The following FHIP2A variants were observed in gnomAD, a reference collection of about 807,000 sequenced individuals.
FHIP2A encodes family with sequence similarity 160 member B1.
A neutral mutation model predicts 93.5 loss-of-function variants in FHIP2A; 46 were observed. The ratio of observed to expected loss-of-function variants is 0.49; its 90% confidence interval spans 0.39 to 0.63. FHIP2A has a LOEUF of 0.63. Ranked by LOEUF, FHIP2A falls within the 20% of genes least tolerant of loss-of-function variation. The pLI is 0.00. For synonymous variants in FHIP2A, 332 were observed against 326.5 expected (o/e 1.02, Z -0.18); for missense variants, 769 against 909.7 (o/e 0.85, Z 1.99).
In FHIP2A at chr10:114,891,578, C is replaced by T. The variant is rs537001172; in HGVS notation, c.2193-7912C>T. ...GTGTGTGTGTGTGTGTGTGTGCACG[C>T]GTATGTATGTGTGTGTATATATGTG... On this transcript the variant is annotated intron_variant, in intron 16 of 16. Coordinates refer to the FHIP2A transcript ENST00000369250. Among the ~76,000 whole-genome samples, 459 of 137,228 alleles carry T rather than the reference C, an allele frequency of 3.3e-3. 2 individuals are homozygous for T. The highest frequency in any genetic ancestry group is 0.012 in the African/African-American group (416 of 33,994). The allele number at this position is 137,228 out of a possible 152,430, so 90.0% of individuals were successfully genotyped here.
intron 1 of FHIP2A, among the ~76,000 whole-genome samples, chr10:114,825,577 C>A (rs902745073): frequency 2.6e-5 from 4 of 152,172 alleles, no homozygotes; most frequent in African/African-American, 9.7e-5. Flanking sequence ...GTAACTCCTG[C>A]CTCCCTTTTT....
In FHIP2A at chr10:114,861,810, C is replaced by T. The variant is rs2083801709; in HGVS notation, c.*270C>T. ...AATCAAAGGAACTTCAGGAAATAAG[C>T]ATTTCTAATGACTGTGAAAAGCTGC... On this transcript the variant is annotated 3_prime_UTR_variant, in exon 17 of 17. Transcript: ENST00000369248. 4 of 1,096,748 alleles carry T rather than the reference C, an allele frequency of 3.6e-6. No individual in the cohort carries two copies. The highest frequency in any genetic ancestry group is 4.4e-6 in the Non-Finnish European group (4 of 900,296). The allele number at this position is 1,096,748 out of a possible 1,614,324, so 67.9% of individuals were successfully genotyped here.
Position 114,848,667 on chromosome 10 carries a change from A to G in FHIP2A, c.1733A>G (p.Asp578Gly), listed in dbSNP as rs764550856. The part of the protein sequence containing the change: ...IVNSFLCLVP[D>G]DAKSSYHVEG... ...TTAAGTTTTCTCTGTCTGGTACCGGATGACGCAAAATCCTCCTACCATGTT... is the reference window on the plus strand; with the variant it reads ...TTAAGTTTTCTCTGTCTGGTACCGGGTGACGCAAAATCCTCCTACCATGTT... The change falls in exon 13 of 17, where the codon GAT becomes GGT. Residue 578 changes from aspartate to glycine, a missense_variant. Coordinates refer to ENST00000369248, the MANE Select transcript of FHIP2A (RefSeq NM_020940.4). 2 of 1,611,938 alleles carry G rather than the reference A, an allele frequency of 1.2e-6. No individual in the cohort carries two copies. The highest frequency in any genetic ancestry group is 1.1e-5 in the South Asian group (1 of 90,992).
In FHIP2A at chr10:114,899,515, G is replaced by A. The variant is rs757422614; in HGVS notation, c.*1G>A. 1.7e-5 allele frequency: 12 copies of A among 718,506 alleles called. 1 individual carries two copies. In the South Asian group the frequency reaches 1.8e-4, roughly 11 times the overall value. The allele number at this position is 718,506 out of a possible 1,614,324, so 44.5% of individuals were successfully genotyped here. A position where few individuals can be genotyped will look rare whatever the true frequency, so the allele number is the denominator to read the frequency against. On this transcript the variant is annotated 3_prime_UTR_variant, in exon 17 of 17. Transcript: ENST00000369250. ...GCAGACGTTGCCTTCATGGTGGTAA[G>A]AGGGATTCCAGAGTCTCTTATGTCC...
In FHIP2A at chr10:114,835,583, T is replaced by C. The variant is rs1320736639; in HGVS notation, c.341T>C (p.Leu114Pro). Residue 114 changes from leucine (L) to proline (P), a missense_variant, in exon 4 of 17, where the codon CTT (leucine) becomes CCT (proline). By Grantham distance (98) the Leu-to-Pro change is moderately conservative. Coordinates refer to ENST00000369248, the MANE Select transcript of FHIP2A (RefSeq NM_020940.4). ...CAGGTTTTGGTTTTCTATACGAAAC[T>C]TCTGGGAAGAATCCGGCAGCCACTA... ...KQQVLVFYTK[L>P]LGRIRQPLLP... The C allele has an allele frequency of 1.9e-6, 3 of 1,613,552 alleles. No individual in the cohort carries two copies.
intron 16 of FHIP2A, among the ~76,000 whole-genome samples, chr10:114,882,189 T>C (rs112507771): frequency 0.033 from 4,998 of 152,264 alleles, 111 homozygotes; most frequent in Middle Eastern, 0.041. Context: ...GTTGCTCACC[T>C]CCAGAAGCTG....
At chr10:114,887,110 T>G (rs973260477) in intron 16 of FHIP2A, among the ~76,000 whole-genome samples, 1 of 152,162 alleles carries the variant, frequency 6.6e-6, no homozygotes, top group African/African-American at 2.4e-5. Context: ...CTTTGAGTCA[T>G]TTTCTGCAAA....
intron 7 of FHIP2A, among the ~76,000 whole-genome samples, chr10:114,845,111 T>G (rs55711292): frequency 0.28 from 42,392 of 152,016 alleles, 6,389 homozygotes; most frequent in South Asian, 0.37. Context: ...ACACCTGGCC[T>G]CCTGCAGTTC....
intron 16 of FHIP2A, among the ~76,000 whole-genome samples, chr10:114,871,819 AT>A (rs1185467263): frequency 3.9e-5 from 6 of 152,084 alleles, no homozygotes; most frequent in Admixed American, 3.9e-4. Context: ...CCCCCATGTA[AT>A]TTTGCATTCC....
At chr10:114,866,019 T>C (rs1469150998), downstream of FHIP2A, among the ~76,000 whole-genome samples, 2 of 152,138 alleles carry the variant, frequency 1.3e-5, no homozygotes, top group African/African-American at 2.4e-5. Flanking sequence ...ATGTGCAGAT[T>C]TGTTATATAG....
At chr10:114,879,847 A>G (rs1296546852) in intron 16 of FHIP2A, among the ~76,000 whole-genome samples, 4 of 152,172 alleles carry the variant, frequency 2.6e-5, no homozygotes, top group Non-Finnish European at 2.9e-5. Context: ...TTTTAGACAC[A>G]GGAGGCTCTC....
At chr10:114,857,755 A>G (rs2083775628) in intron 14 of FHIP2A, among the ~76,000 whole-genome samples, 1 of 152,234 alleles carries the variant, frequency 6.6e-6, no homozygotes, top group African/African-American at 2.4e-5. Flanking sequence ...GTCTTCATGC[A>G]TAATTGAGAA....
At chr10:114,828,801 A>T (rs564348539) in intron 1 of FHIP2A, among the ~76,000 whole-genome samples, 1 of 151,928 alleles carries the variant, frequency 6.6e-6, no homozygotes, top group Non-Finnish European at 1.5e-5. Flanking sequence ...AGTCTTTTTT[A>T]TTTTTATTTT....
intron 14 of FHIP2A, among the ~76,000 whole-genome samples, chr10:114,858,831 CGTATT>C (rs997189184): frequency 1.3e-5 from 2 of 151,970 alleles, no homozygotes. Context: ...TTAACAAAAA[CGTATT>C]GTATATTTCA....
chr10:114,828,513 C>G (rs2083590393), intron 1 of FHIP2A, among the ~76,000 whole-genome samples: 1 of 152,188 alleles, frequency 6.6e-6, no homozygotes, highest in South Asian at 2.1e-4. Context: ...GTTTGTCCCA[C>G]TCGTGAATGC....
intron 13 of FHIP2A, 46 bp from the exon 14 acceptor site, chr10:114,855,151 A>C (rs1425379115): frequency 8.3e-6 from 13 of 1,565,280 alleles, no homozygotes; most frequent in Non-Finnish European, 9.6e-6. Flanking sequence ...ATTTCATCTT[A>C]ATTTGTTTTT....
chr10:114,832,520 T>C (rs2083613196), intron 2 of FHIP2A, among the ~76,000 whole-genome samples: 1 of 152,104 alleles, frequency 6.6e-6, no homozygotes, highest in South Asian at 2.1e-4. Flanking sequence ...TATTTCTATT[T>C]AAAGAGACTT....
chr10:114,898,876 A>G (rs1191059351), intron 16 of FHIP2A, among the ~76,000 whole-genome samples: 1 of 152,160 alleles, frequency 6.6e-6, no homozygotes, highest in East Asian at 1.9e-4. Flanking sequence ...TCTTTTATTC[A>G]TGCTACTTTA....
intron 13 of FHIP2A, among the ~76,000 whole-genome samples, chr10:114,854,406 C>T (rs983694864): frequency 6.6e-6 from 1 of 151,906 alleles, no homozygotes; most frequent in South Asian, 2.1e-4. Context: ...GCAGGAGAAT[C>T]GCTTGAACCT....
Sources: gnomAD v4.1 joint callset for allele counts (sites outside exome capture counted in the v4.1 genomes callset) on GRCh38, gnomAD v4.1.1 for gene constraint, MANE v1.5 for transcripts, NCBI Gene and HGNC (gene_info 2026-07-23, HGNC 2026-07-21) for gene names.